Variants in AP2B1 observed in about 807,000 individuals in gnomAD.
AP2B1 encodes the protein AP-2 complex subunit beta.
AP2B1 carries 23 observed loss-of-function variants against 102.0 expected under a neutral mutation model. That is an observed-to-expected ratio of 0.23 (90% CI 0.16 to 0.32). The LOEUF is 0.32. Among genes scored for constraint, AP2B1 ranks in the 10% least tolerant of loss-of-function variants. AP2B1 has a pLI of 1.00. For missense variants in AP2B1, 541 were observed against 1,157.4 expected, an observed-to-expected ratio of 0.47 and a Z score of 7.73; for synonymous variants, 381 against 421.2, an observed-to-expected ratio of 0.90 and a Z score of 1.17.
intron 2 of AP2B1, among the ~76,000 whole-genome samples, chr17:35,595,310 G>A (rs1232787500): frequency 6.6e-6 from 1 of 152,176 alleles, no homozygotes; most frequent in Admixed American, 6.5e-5. Flanking sequence ...TTGGGAGGCT[G>A]AGACAGGAGG....
chr17:35,589,924 CTTTTTTTTTT>C (rs71366465), intron 1 of AP2B1, among the ~76,000 whole-genome samples: 1 of 119,458 alleles, frequency 8.4e-6, no homozygotes, highest in African/African-American at 3.2e-5. Flanking sequence ...TCTGTAACTT[CTTTTTTTTTT>C]TTTTTTTTTG....
intron 5 of AP2B1, among the ~76,000 whole-genome samples, chr17:35,614,014 C>T (rs771275656): frequency 9.2e-5 from 14 of 151,954 alleles, no homozygotes; most frequent in Non-Finnish European, 1.3e-4. Context: ...TTGAGATATG[C>T]ACTTTTGAAT....
chr17:35,673,916 C>T (rs963646708), intron 16 of AP2B1, among the ~76,000 whole-genome samples: 3 of 152,054 alleles, frequency 2.0e-5, no homozygotes, highest in Admixed American at 6.5e-5. Context: ...AAGCCAGGGT[C>T]GTTTAAAGAC....
intron 21 of AP2B1, among the ~76,000 whole-genome samples, 166 bp downstream of exon 21, chr17:35,717,515 C>T (rs2085211367): frequency 6.6e-6 from 1 of 152,216 alleles, no homozygotes; most frequent in Non-Finnish European, 1.5e-5. Flanking sequence ...GGAAGACCTC[C>T]TCTCTGCAGT....
chr17:35,590,079 C>T (rs1480040806), intron 1 of AP2B1, among the ~76,000 whole-genome samples: 2 of 152,018 alleles, frequency 1.3e-5, no homozygotes, highest in Non-Finnish European at 2.9e-5. Flanking sequence ...GCGCCCGCCA[C>T]ACGCCTGGCT....
At chr17:35,679,249 A>G (rs956277591) in intron 17 of AP2B1, among the ~76,000 whole-genome samples, 1 of 152,026 alleles carries the variant, frequency 6.6e-6, no homozygotes, top group Non-Finnish European at 1.5e-5. Flanking sequence ...ATCTAACTTG[A>G]TTCTAGAGGG....
At chr17:35,723,589 CTG>C (rs781891699) in intron 21 of AP2B1, 34 bp from the exon 22 acceptor site, 1 of 1,467,182 alleles carries the variant, frequency 6.8e-7, no homozygotes, top group Non-Finnish European at 9.6e-7. Context: ...ATGCCAACCT[CTG>C]TGCTAATCTT....
At chr17:35,685,551 G>A (rs1280051555) in intron 18 of AP2B1, among the ~76,000 whole-genome samples, 1 of 152,110 alleles carries the variant, frequency 6.6e-6, no homozygotes, top group Non-Finnish European at 1.5e-5. Context: ...AAAAATGTTG[G>A]GGATTGAGGA....
intron 12 of AP2B1, among the ~76,000 whole-genome samples, chr17:35,645,888 G>A (rs964766693): frequency 2.0e-5 from 3 of 152,038 alleles, no homozygotes; most frequent in African/African-American, 4.8e-5. Context: ...ATGTCTAGAC[G>A]TTAGTAATTA....
At chr17:35,608,745 G>T (rs186547847) in intron 5 of AP2B1, among the ~76,000 whole-genome samples, 1 of 152,158 alleles carries the variant, frequency 6.6e-6, no homozygotes, top group Admixed American at 6.5e-5. Flanking sequence ...GGTGGTGTGG[G>T]ACTAGAAACT....
intron 13 of AP2B1, among the ~76,000 whole-genome samples, chr17:35,655,631 T>C (rs1439539409): frequency 2.6e-5 from 4 of 152,192 alleles, no homozygotes; most frequent in African/African-American, 9.6e-5. Context: ...GGTAGACTTA[T>C]GTATATATTT....
intron 13 of AP2B1, among the ~76,000 whole-genome samples, chr17:35,656,619 G>C (rs1367725773): frequency 1.3e-5 from 2 of 152,156 alleles, no homozygotes; most frequent in Non-Finnish European, 2.9e-5. Context: ...CTCTTGGCCG[G>C]GTGCGGTGGC....
intron 18 of AP2B1, among the ~76,000 whole-genome samples, chr17:35,697,316 T>A (rs1370547518): frequency 6.6e-6 from 1 of 152,262 alleles, no homozygotes; most frequent in East Asian, 1.9e-4. Context: ...ACATAGCACA[T>A]GTTAACTGTG....
At chr17:35,626,153 C>G (rs2074308626) in intron 6 of AP2B1, among the ~76,000 whole-genome samples, 1 of 152,152 alleles carries the variant, frequency 6.6e-6, no homozygotes, top group Admixed American at 6.5e-5. Flanking sequence ...ACCAGCCTGC[C>G]TCCTGCTGTA....
At chr17:35,656,622 G>A (rs945440224) in intron 13 of AP2B1, among the ~76,000 whole-genome samples, 20 of 152,260 alleles carry the variant, frequency 1.3e-4, no homozygotes, top group South Asian at 4.1e-4. Context: ...TTGGCCGGGT[G>A]CGGTGGCTCA....
intron 14 of AP2B1, among the ~76,000 whole-genome samples, chr17:35,666,946 G>T (rs2075480924): frequency 6.6e-6 from 1 of 152,210 alleles, no homozygotes; most frequent in Non-Finnish European, 1.5e-5. Context: ...AGCCCAGCCT[G>T]AACAATGAAG....
chr17:35,689,588 A>AT (rs1002773102), intron 18 of AP2B1, among the ~76,000 whole-genome samples: 8 of 152,116 alleles, frequency 5.3e-5, no homozygotes, highest in Admixed American at 4.6e-4. Context: ...TTTTGTCATA[A>AT]TTTTTTTTGT....
chr17:35,722,974 G>A (rs1271704626), intron 21 of AP2B1, among the ~76,000 whole-genome samples: 3 of 152,132 alleles, frequency 2.0e-5, no homozygotes, highest in Non-Finnish European at 4.4e-5. Flanking sequence ...TGGTGGTAGA[G>A]GGGTATCAGA....
chr17:35,685,865 C>T (rs187078400), intron 18 of AP2B1, among the ~76,000 whole-genome samples: 16 of 152,152 alleles, frequency 1.1e-4, no homozygotes, highest in African/African-American at 2.9e-4. Context: ...CAGGTTCAAG[C>T]GATTCTCCAG....
Sources: allele counts gnomAD v4.1 joint callset (sites outside exome capture counted in the v4.1 genomes callset), GRCh38; gene constraint gnomAD v4.1.1; transcripts MANE v1.5; gene names NCBI Gene and HGNC (gene_info 2026-07-23, HGNC 2026-07-21).